The following SATL1 variants were observed in gnomAD, a reference collection of about 807,000 sequenced individuals.
The protein encoded by SATL1 is spermidine/spermine N(1)-acetyltransferase-like protein 1.
Under a neutral mutation model 51.8 loss-of-function variants are expected in SATL1, and 47 were observed. That is an observed-to-expected ratio of 0.91 (90% CI 0.72 to 1.16). SATL1 has a LOEUF of 1.16. Ranked by LOEUF, SATL1 falls within the 50% of genes most tolerant of loss-of-function variation. The pLI is 0.00. For missense variants in SATL1, 520 were observed against 526.4 expected (o/e 0.99, Z 0.12); for synonymous variants, 176 against 182.4 (o/e 0.97, Z 0.28).
At chrX:85,114,984 C>G (rs1925349500) in intron 2 of SATL1, among the ~76,000 whole-genome samples, 1 of 111,540 alleles carries the variant, frequency 9.0e-6, no homozygotes, top group Non-Finnish European at 1.9e-5. Flanking sequence ...CACAAGGGGG[C>G]TGGACTTCCT....
intron 2 of SATL1, among the ~76,000 whole-genome samples, chrX:85,157,280 G>A (rs1926620379): frequency 9.1e-6 from 1 of 110,263 alleles, no homozygotes; most frequent in South Asian, 3.8e-4. Context: ...ATACTTTCTA[G>A]TTGAAGTCAA....
chrX:85,139,496 C>T (rs1569234875), intron 2 of SATL1, among the ~76,000 whole-genome samples: 1 of 110,764 alleles, frequency 9.0e-6, no homozygotes, highest in Non-Finnish European at 1.9e-5. Flanking sequence ...GATATGAACC[C>T]AAAGTCTTGG....
intron 2 of SATL1, among the ~76,000 whole-genome samples, chrX:85,150,123 T>A (rs966995956): frequency 4.5e-5 from 5 of 110,920 alleles, no homozygotes; most frequent in Non-Finnish European, 9.5e-5. Context: ...TAAAAAATGA[T>A]AAAGGGGATA....
intron 4 of SATL1, among the ~76,000 whole-genome samples, chrX:85,098,451 A>G (rs1023736758): frequency 1.8e-5 from 2 of 111,988 alleles, no homozygotes; most frequent in Non-Finnish European, 3.8e-5. Context: ...ACTGTAGACC[A>G]ATTGTATCTA....
chrX:85,194,936 T>A (rs1004205130), intron 2 of SATL1, among the ~76,000 whole-genome samples: 2 of 109,697 alleles, frequency 1.8e-5, no homozygotes, highest in Non-Finnish European at 3.8e-5. Flanking sequence ...GATGAGTTGC[T>A]GGGTGCAGCA....
chrX:85,145,907 T>TG (rs1451979782), intron 2 of SATL1, among the ~76,000 whole-genome samples: 27 of 108,694 alleles, frequency 2.5e-4, no homozygotes, highest in Non-Finnish European at 4.2e-4. Context: ...TTCTTTTTTT[T>TG]TTTTTTTGAG....
At chrX:85,146,088 G>A in intron 2 of SATL1, among the ~76,000 whole-genome samples, 1 of 110,098 alleles carries the variant, frequency 9.1e-6, no homozygotes, top group Non-Finnish European at 1.9e-5. Context: ...AGTAGAGATG[G>A]GGTTTCACTG....
chrX:85,194,063 G>C (rs773503310), intron 2 of SATL1, among the ~76,000 whole-genome samples: 4 of 111,754 alleles, frequency 3.6e-5, no homozygotes, highest in Non-Finnish European at 7.5e-5. Flanking sequence ...TCAAATGGTA[G>C]TTCTGCTTTT....
chrX:85,125,708 T>G (rs1363232843), intron 2 of SATL1, among the ~76,000 whole-genome samples: 1 of 107,272 alleles, frequency 9.3e-6, no homozygotes, highest in Admixed American at 1.0e-4. Context: ...CACCATACTA[T>G]TCACTGTATA....
chrX:85,135,186 G>T (rs1421558229), intron 2 of SATL1, among the ~76,000 whole-genome samples: 3 of 110,636 alleles, frequency 2.7e-5, no homozygotes, highest in Non-Finnish European at 5.7e-5. Context: ...GGGGGACGGG[G>T]GTAGGGAGAG....
chrX:85,100,279 T>C (rs1465533510), intron 4 of SATL1, among the ~76,000 whole-genome samples: 1 of 112,349 alleles, frequency 8.9e-6, no homozygotes, highest in African/African-American at 3.2e-5. Flanking sequence ...GATCACACAA[T>C]TCTATATAGA....
chrX:85,150,074 T>G (rs1926380861), intron 2 of SATL1, among the ~76,000 whole-genome samples: 1 of 110,737 alleles, frequency 9.0e-6, no homozygotes, highest in African/African-American at 3.3e-5. Flanking sequence ...CTGGCAAGAC[T>G]AATAAAGAAG....
rs780505528 is a variant in SATL1, at chrX:85,178,154, T to C, written c.-313+46051A>G. On this transcript the variant is annotated intron_variant, in intron 2 of 7. Transcript: ENST00000644105. The stretch of plus-strand genomic sequence containing the variant: ...GTATGTCATATGTCAAGGTTACCCT[T>C]TGAAGCCCATTTTCTAATAAATAAC... Among the ~76,000 whole-genome samples, 13 of 111,571 alleles carry C rather than the reference T, an allele frequency of 1.2e-4. No homozygotes were observed. In the Admixed American group the frequency reaches 1.3e-3, roughly 11 times the overall value.
chrX:85,159,075 C>T (rs1926656622), intron 2 of SATL1, among the ~76,000 whole-genome samples: 1 of 111,297 alleles, frequency 9.0e-6, no homozygotes, highest in Admixed American at 9.6e-5. Context: ...TCAAGCACTC[C>T]ACAACAGACA....
intron 1 of SATL1, among the ~76,000 whole-genome samples, chrX:85,238,912 A>G (rs1164431272): frequency 9.0e-6 from 1 of 110,940 alleles, no homozygotes; most frequent in Non-Finnish European, 1.9e-5. Flanking sequence ...AGAATGAAAG[A>G]GTAAAGTGGT....
intron 2 of SATL1, among the ~76,000 whole-genome samples, chrX:85,198,553 T>C (rs1479693126): frequency 1.8e-5 from 2 of 111,716 alleles, no homozygotes; most frequent in Non-Finnish European, 1.9e-5. Context: ...ATTGTAGTTA[T>C]GATATACATT....
intron 2 of SATL1, among the ~76,000 whole-genome samples, chrX:85,151,843 G>C (rs1926447207): frequency 9.0e-6 from 1 of 111,637 alleles, no homozygotes. Flanking sequence ...TTAAATGTTA[G>C]ACCTAAAACC....
chrX:85,139,123 C>T (rs1602861176), intron 2 of SATL1, among the ~76,000 whole-genome samples: 1 of 111,101 alleles, frequency 9.0e-6, no homozygotes, highest in Admixed American at 9.6e-5. Context: ...ACTTTCACTT[C>T]AATAAATCAC....
chrX:85,210,151 T>G (rs114726933), intron 2 of SATL1: 1 of 101,443 alleles, frequency 9.9e-6, no homozygotes, highest in South Asian at 4.2e-4. Flanking sequence ...TAGCTGCTGG[T>G]TTTTTTTTTC....
Sources: gnomAD v4.1 joint callset for allele counts (sites outside exome capture counted in the v4.1 genomes callset) on GRCh38, gnomAD v4.1.1 for gene constraint, MANE v1.5 for transcripts, NCBI Gene and HGNC (gene_info 2026-07-23, HGNC 2026-07-21) for gene names.